The following LIN54 variants were observed in gnomAD, a reference collection of about 807,000 sequenced individuals.
LIN54 encodes lin-54 DREAM MuvB core complex component.
In LIN54, 9 loss-of-function variants were observed where a neutral mutation model predicts 78.7. The observed-to-expected ratio is 0.11, with a 90% CI of 0.07 to 0.20. The LOEUF (loss-of-function observed/expected upper bound fraction) is 0.20, where lower values mean the gene tolerates loss of function less well. Ranked by LOEUF, LIN54 falls within the 10% of genes least tolerant of loss-of-function variation. The probability of loss-of-function intolerance (pLI) is 1.00; values close to 1 mark genes in which losing one functional copy is unlikely to be tolerated. For missense variants in LIN54, 573 were observed against 889.9 expected (o/e 0.64, Z 4.53); for synonymous variants, 269 against 318.4 (o/e 0.84, Z 1.65).
At chr4:82,978,826 T>C in intron 3 of LIN54, 57 bp downstream of exon 3, 1 of 1,161,444 alleles carries the variant, frequency 8.6e-7, no homozygotes, top group South Asian at 1.8e-5. Flanking sequence ...AGAACAGCCT[T>C]TTTAAATCTA....
At chr4:83,001,861 G>GAAA (rs1560795479) in intron 1 of LIN54, among the ~76,000 whole-genome samples, 20 of 1,080 alleles carry the variant, frequency 0.019, 2 homozygotes, top group Non-Finnish European at 0.043. Flanking sequence ...AAAAAAAAAA[G>GAAA]GATAGGAAGG....
intron 4 of LIN54, among the ~76,000 whole-genome samples, chr4:82,969,120 A>G (rs1578570101): frequency 1.3e-5 from 2 of 152,220 alleles, no homozygotes; most frequent in Non-Finnish European, 2.9e-5. Context: ...CACTGCAAAA[A>G]TCAGTGAGGC....
At chr4:82,952,697 G>A (rs1439566168) in intron 4 of LIN54, among the ~76,000 whole-genome samples, 2 of 152,124 alleles carry the variant, frequency 1.3e-5, no homozygotes, top group Admixed American at 1.3e-4. Context: ...TAGCCAAAAG[G>A]TGGAAACAAC....
chr4:82,958,174 T>C (rs1560744839), intron 4 of LIN54, among the ~76,000 whole-genome samples: 1 of 152,228 alleles, frequency 6.6e-6, no homozygotes, highest in Non-Finnish European at 1.5e-5. Flanking sequence ...CCTTCATCAT[T>C]GTTCAGACTC....
In LIN54 at chr4:82,974,006, T is replaced by C. The variant is rs573189603; in HGVS notation, c.809-3537A>G. On this transcript the variant is annotated intron_variant, in intron 3 of 12. Transcript: ENST00000340417. ...AGGGTGGATCACGAGGTCAGGAGATTGGGACCATCCTGGCTAACACGGTGA... is the reference window on the plus strand; with the variant it reads ...AGGGTGGATCACGAGGTCAGGAGATCGGGACCATCCTGGCTAACACGGTGA... 3.7e-4 allele frequency among the ~76,000 whole-genome samples: 57 copies of C among 152,080 alleles called. No individual in the cohort carries two copies. The East Asian group carries it at 5.6e-3, about 15-fold the overall frequency.
At chr4:83,002,748 C>G (rs1728979753) in intron 1 of LIN54, among the ~76,000 whole-genome samples, 1 of 152,108 alleles carries the variant, frequency 6.6e-6, no homozygotes, top group South Asian at 2.1e-4. Context: ...CATTTTTTCT[C>G]TAGCATACTT....
intron 4 of LIN54, among the ~76,000 whole-genome samples, chr4:82,955,321 G>GC (rs1228251695): frequency 6.6e-6 from 1 of 151,664 alleles, no homozygotes; most frequent in East Asian, 1.9e-4. Flanking sequence ...TCGAGATTGC[G>GC]CCACTGCACT....
chr4:82,929,166 G>A (rs1367028296), intron 12 of LIN54, among the ~76,000 whole-genome samples: 1 of 152,116 alleles, frequency 6.6e-6, no homozygotes. Flanking sequence ...ATACAAACAA[G>A]CACTTTAAAC....
chr4:82,971,675 A>C (rs1725667546), intron 3 of LIN54, among the ~76,000 whole-genome samples: 1 of 152,220 alleles, frequency 6.6e-6, no homozygotes, highest in African/African-American at 2.4e-5. Context: ...GCAGAGAAAC[A>C]GAAAATATTT....
At chr4:82,938,298 G>A (rs1182922181) in intron 8 of LIN54, 115 bp downstream of exon 8, 2 of 627,944 alleles carry the variant, frequency 3.2e-6, no homozygotes, top group Admixed American at 2.8e-5. Context: ...TTAGAGGCAT[G>A]CTCACATGGC....
At chr4:82,941,692 G>A (rs1214563965) in intron 5 of LIN54, among the ~76,000 whole-genome samples, 1 of 152,180 alleles carries the variant, frequency 6.6e-6, no homozygotes, top group Non-Finnish European at 1.5e-5. Flanking sequence ...GCAGATGCAA[G>A]AGACCTGGTG....
chr4:82,927,512 A>G lies in LIN54; in HGVS notation c.*590T>C, dbSNP rs1284144596. On this transcript the variant is annotated 3_prime_UTR_variant, in exon 13 of 13. Coordinates refer to ENST00000340417, the MANE Select transcript of LIN54 (RefSeq NM_194282.4). ...TTTATATGTTTTTTTAAATAACTTT[A>G]AAAAATTTTTAGTGTGCCTGGGGAT... 1 of 152,186 alleles carries G rather than the reference A, an allele frequency of 6.6e-6. No homozygotes were observed. Among genetic ancestry groups the G allele is most frequent in the Non-Finnish European group, 1.5e-5 (1 of 68,032 alleles). The allele number at this position is 152,186 out of a possible 1,614,324, so 9.4% of individuals were successfully genotyped here.
chr4:82,938,151 G>A (rs569720470), intron 8 of LIN54, among the ~76,000 whole-genome samples: 1 of 152,176 alleles, frequency 6.6e-6, no homozygotes, highest in Non-Finnish European at 1.5e-5. Context: ...AAAATAGTTA[G>A]CATCATCATT....
Position 82,939,623 on chromosome 4 carries a change from G to C in LIN54, c.1356C>G (p.Asn452Lys). 1.2e-6 allele frequency: 2 copies of C among 1,614,226 alleles called. No individual in the cohort carries two copies. Among genetic ancestry groups the C allele is most frequent in the South Asian group, 2.2e-5 (2 of 91,084 alleles). Residue 452 changes from asparagine (N) to lysine (K), a missense_variant, in exon 7 of 13, where the codon AAC (asparagine) becomes AAG (lysine). Transcript: ENST00000340417. ...PLPQIQPNLT[N>K]LPPGTVLAPA... is the part of the protein sequence containing the mutation. ...GTGCCAGGACAGTGCCTGGTGGCAG[G>C]TTAGTGAGGTTGGGCTGGATCTGTG...
chr4:82,933,833 G>A (rs1285461450), intron 11 of LIN54, among the ~76,000 whole-genome samples: 3 of 152,092 alleles, frequency 2.0e-5, no homozygotes, highest in Admixed American at 6.5e-5. Flanking sequence ...TCAATTAAAT[G>A]GTTAGTTCCT....
intron 4 of LIN54, among the ~76,000 whole-genome samples, chr4:82,954,810 C>A (rs1161341398): frequency 6.6e-6 from 1 of 152,030 alleles, no homozygotes; most frequent in Non-Finnish European, 1.5e-5. Flanking sequence ...AACAGAAGGT[C>A]CACATGCAAA....
intron 4 of LIN54, among the ~76,000 whole-genome samples, chr4:82,968,358 G>C (rs1725391309): frequency 6.6e-6 from 1 of 151,810 alleles, no homozygotes; most frequent in Admixed American, 6.6e-5. Flanking sequence ...GTCAAGGATG[G>C]GAAAAAAATA....
At chr4:82,999,803 A>T (rs573435220) in intron 1 of LIN54, among the ~76,000 whole-genome samples, 129 of 150,540 alleles carry the variant, frequency 8.6e-4, no homozygotes, top group Admixed American at 1.7e-3. Context: ...AAAGGCAAGA[A>T]AACAGGAGAA....
intron 7 of LIN54, among the ~76,000 whole-genome samples, chr4:82,939,099 C>T (rs571144089): frequency 2.0e-5 from 3 of 152,158 alleles, no homozygotes; most frequent in Admixed American, 6.5e-5. Flanking sequence ...GTAGATAGAT[C>T]GCTGAAGATA....
Sources: gnomAD v4.1 joint callset for allele counts (sites outside exome capture counted in the v4.1 genomes callset) on GRCh38, gnomAD v4.1.1 for gene constraint, MANE v1.5 for transcripts, NCBI Gene and HGNC (gene_info 2026-07-23, HGNC 2026-07-21) for gene names.